The following DBT variants were observed in gnomAD, a reference collection of about 807,000 sequenced individuals.
DBT encodes lipoamide acyltransferase component of branched-chain alpha-keto acid dehydrogenase complex, mitochondrial.
In DBT, 40 loss-of-function variants were observed where a neutral mutation model predicts 51.3. The ratio of observed to expected loss-of-function variants is 0.78; its 90% CI spans 0.61 to 1.02. DBT has a LOEUF of 1.02. Ranked by LOEUF, DBT falls within the 50% of genes least tolerant of loss-of-function variation. The pLI is 0.00. For synonymous variants in DBT, 181 were observed against 190.4 expected (o/e 0.95, Z 0.41); for missense variants, 510 against 580.2 (o/e 0.88, Z 1.24).
At chr1:100,207,149 T>C (rs554451042) in intron 8 of DBT, among the ~76,000 whole-genome samples, 3 of 152,296 alleles carry the variant, frequency 2.0e-5, no homozygotes, top group African/African-American at 7.2e-5. Context: ...TTAGTGGGAA[T>C]GTAACTGGTA....
chr1:100,210,358 T>G (rs545965617), intron 8 of DBT, among the ~76,000 whole-genome samples: 140 of 148,768 alleles, frequency 9.4e-4, no homozygotes, highest in African/African-American at 2.8e-3. Flanking sequence ...ATAAGAATAA[T>G]AATATTAAAA....
chr1:100,234,205 T>C (rs1422050876), intron 3 of DBT, among the ~76,000 whole-genome samples: 2 of 152,184 alleles, frequency 1.3e-5, no homozygotes, highest in African/African-American at 4.8e-5. Flanking sequence ...ACTAATCAAA[T>C]GATTAGTTTC....
At chr1:100,216,232 C>T (rs779358621) in intron 5 of DBT, 33 bp from the exon 6 acceptor site, 19 of 1,445,658 alleles carry the variant, frequency 1.3e-5, no homozygotes, top group Admixed American at 1.7e-5. Context: ...GCCAAAAATA[C>T]AACTATTTAA....
At chr1:100,241,672 C>T (rs1664219036) in intron 1 of DBT, among the ~76,000 whole-genome samples, 1 of 152,108 alleles carries the variant, frequency 6.6e-6, no homozygotes, top group African/African-American at 2.4e-5. Context: ...GCTAGAATTA[C>T]AGGTGCGAGC....
intron 4 of DBT, among the ~76,000 whole-genome samples, chr1:100,225,564 C>A (rs547448751): frequency 2.6e-4 from 39 of 152,222 alleles, no homozygotes; most frequent in Admixed American, 5.9e-4. Context: ...GTGGCTCACA[C>A]CTATAATCCC....
intron 2 of DBT, among the ~76,000 whole-genome samples, chr1:100,235,975 T>C (rs1196932542): frequency 1.3e-5 from 2 of 152,334 alleles, no homozygotes; most frequent in African/African-American, 4.8e-5. Flanking sequence ...GGCAGTTCTA[T>C]ATCTAGCAAA....
intron 4 of DBT, among the ~76,000 whole-genome samples, 191 bp from the exon 5 acceptor site, chr1:100,218,938 G>T (rs887207380): frequency 6.6e-6 from 1 of 151,644 alleles, no homozygotes; most frequent in African/African-American, 2.4e-5. Flanking sequence ...AGAGTGGGGG[G>T]GGGGGTGTGT....
chr1:100,195,811 C>A lies in DBT; in HGVS notation c.*444G>T, dbSNP rs564105213. 19 of 195,968 alleles carry A rather than the reference C, an allele frequency of 9.7e-5. No individual in the cohort carries two copies. In the South Asian group the frequency reaches 1.6e-3, roughly 16 times the overall value. The allele number at this position is 195,968 out of a possible 1,614,324, so 12.1% of individuals were successfully genotyped here. On this transcript the variant is annotated 3_prime_UTR_variant, in exon 11 of 11. Coordinates refer to ENST00000370132, the MANE Select transcript of DBT (RefSeq NM_001918.5). ...TCCCAAGTAGCTGGGATTATAGGTA[C>A]CCACCACCACACCCGGCTAATTTTT...
Position 100,196,412 on chromosome 1 carries a change from C to T in DBT, c.1292G>A (p.Arg431Gln), listed in dbSNP as rs776490043. The T allele has an allele frequency of 9.5e-5, 47 of 496,300 alleles. No individual in the cohort carries two copies. The highest frequency in any genetic ancestry group is 1.7e-4 in the Non-Finnish European group (44 of 266,096). 30.7% of individuals were successfully genotyped at this position (496,300 alleles called of 1,614,324 possible). A position where few individuals can be genotyped will look rare whatever the true frequency, so the allele number is the denominator to read the frequency against. Residue 431 changes from arginine to glutamine, a missense_variant, in exon 11 of 11, where the codon CGA (arginine) becomes CAA (glutamine). Transcript: ENST00000370132. ...GALGSIKAIPRFNQKGEVYKA... is the reference protein window; with the variant it reads ...GALGSIKAIPQFNQKGEVYKA... ...ATATACTTCTCCTTTCTGGTTAAAT[C>T]GGGGAATGGCCTAGAAATGAAAAAA...
intron 7 of DBT, among the ~76,000 whole-genome samples, chr1:100,213,966 A>AG (rs60203258): frequency 0.41 from 55,031 of 133,944 alleles, 11,924 homozygotes; most frequent in East Asian, 0.6. Context: ...AAAAAAAAAA[A>AG]AGAGAGAGAT....
Position 100,219,253 on chromosome 1 carries a change from G to A in DBT, c.434-506C>T, listed in dbSNP as rs1052054458. Among the ~76,000 whole-genome samples the A allele has an allele frequency of 8.5e-5, 13 of 152,126 alleles. 1 individual carries two copies. Among genetic ancestry groups the A allele is most frequent in the Admixed American group, 7.2e-4 (11 of 15,288 alleles). On this transcript the variant is annotated intron_variant, in intron 4 of 10. Coordinates refer to ENST00000370132, the MANE Select transcript of DBT (RefSeq NM_001918.5). ...TGTGGTCCCAGCTACTTGGGAGACC[G>A]AGGTGGGAGGATTGCTTGAGCCCAG...
chr1:100,210,990 G>T, intron 7 of DBT: 1 of 833,952 alleles, frequency 1.2e-6, no homozygotes, highest in East Asian at 2.6e-5. Context: ...AGATAAAGTA[G>T]TCAGGTAGCT....
intron 10 of DBT, among the ~76,000 whole-genome samples, chr1:100,205,264 A>C (rs1661693333): frequency 6.6e-6 from 1 of 152,098 alleles, no homozygotes; most frequent in African/African-American, 2.4e-5. Context: ...TACAAGAAAA[A>C]AACAAACAAC....
Position 100,192,481 on chromosome 1 carries a change from A to T in DBT, c.*3774T>A, listed in dbSNP as rs1004856917. The T allele has an allele frequency of 6.6e-6, 1 of 152,232 alleles. No individual in the cohort carries two copies. The highest frequency in any genetic ancestry group is 2.1e-4 in the South Asian group (1 of 4,832). The allele number at this position is 152,232 out of a possible 1,614,324, so 9.4% of individuals were successfully genotyped here. A position where few individuals can be genotyped will look rare whatever the true frequency, so the allele number is the denominator to read the frequency against. ...GAAACATTTGTATTCTTGGTACTGT[A>T]GGGCAGTGCTGAGCCCTGTCATTTC... On this transcript the variant is annotated 3_prime_UTR_variant, in exon 11 of 11. Coordinates refer to ENST00000370132, the MANE Select transcript of DBT (RefSeq NM_001918.5).
intron 9 of DBT, 44 bp from the exon 10 acceptor site, chr1:100,206,345 TTTTTCAGGGAACAAATGC>T: frequency 2.0e-5 from 31 of 1,584,928 alleles, no homozygotes; most frequent in Non-Finnish European, 2.7e-5. Flanking sequence ...AAAGTTAAGA[TTTTTCAGGGAACAAATGC>T]CAAGTGACTT....
At chr1:100,233,665 A>T (rs1375575431) in intron 3 of DBT, among the ~76,000 whole-genome samples, 1 of 152,234 alleles carries the variant, frequency 6.6e-6, no homozygotes, top group Non-Finnish European at 1.5e-5. Flanking sequence ...GTTTTGCCAC[A>T]AGAGTACACG....
In DBT at chr1:100,204,521, A is replaced by C. The variant is rs189630147; in HGVS notation, c.1281+1709T>G. Among the ~76,000 whole-genome samples, 1,181 of 152,338 alleles carry C rather than the reference A, an allele frequency of 7.8e-3. 7 individuals carry two copies. The highest frequency in any genetic ancestry group is 0.012 in the Non-Finnish European group (814 of 68,038). ...AAGAATCAATATTGTGAAAATGGCC[A>C]AACTGCCCAAAGTAATTTATAGATT... is the stretch of plus-strand genomic sequence containing the variant. On this transcript the variant is annotated intron_variant, in intron 10 of 10. Coordinates refer to ENST00000370132, the MANE Select transcript of DBT (RefSeq NM_001918.5).
chr1:100,211,874 T>A (rs899887678), intron 7 of DBT, among the ~76,000 whole-genome samples: 11 of 152,104 alleles, frequency 7.2e-5, no homozygotes, highest in African/African-American at 2.7e-4. Flanking sequence ...TTGGCTCGAG[T>A]GACCCTCCTG....
intron 1 of DBT, among the ~76,000 whole-genome samples, chr1:100,243,139 G>A (rs1220106630): frequency 1.3e-5 from 2 of 151,282 alleles, no homozygotes; most frequent in Non-Finnish European, 2.9e-5. Flanking sequence ...GGTGGCACAC[G>A]TAGTCCCAGC....
Sources: allele counts gnomAD v4.1 joint callset (sites outside exome capture counted in the v4.1 genomes callset), GRCh38; gene constraint gnomAD v4.1.1; transcripts MANE v1.5; gene names NCBI Gene and HGNC (gene_info 2026-07-23, HGNC 2026-07-21).